The following PLCB4 variants were observed in gnomAD, a reference collection of about 807,000 sequenced individuals.
PLCB4 encodes 1-phosphatidylinositol 4,5-bisphosphate phosphodiesterase beta-4.
Under a neutral mutation model 178.8 loss-of-function variants are expected in PLCB4, and 77 were observed. The observed-to-expected ratio is 0.43, with a 90% CI of 0.36 to 0.52. The LOEUF is 0.52. Ranked by LOEUF, PLCB4 falls within the 20% of genes least tolerant of loss-of-function variation. The probability of loss-of-function intolerance (pLI) is 0.00; values close to 1 mark genes in which losing one functional copy is unlikely to be tolerated. For missense variants in PLCB4, 1,024 were observed against 1,453.4 expected (o/e 0.70, Z 4.80); for synonymous variants, 496 against 490.8 (o/e 1.01, Z -0.14).
intron 3 of PLCB4, among the ~76,000 whole-genome samples, chr20:9,234,959 A>G (rs1053678395): frequency 4.6e-5 from 7 of 152,210 alleles, no homozygotes; most frequent in Non-Finnish European, 1.5e-5. Context: ...GCCAAACTCC[A>G]TTACTGCAGT....
At chr20:9,173,377 G>A (rs1271832121) in intron 2 of PLCB4, among the ~76,000 whole-genome samples, 1 of 152,162 alleles carries the variant, frequency 6.6e-6, no homozygotes, top group African/African-American at 2.4e-5. Context: ...GCAGACTTGT[G>A]TTCTTCCTTT....
intron 9 of PLCB4, 129 bp downstream of exon 9, chr20:9,365,643 A>G (rs1056130006): frequency 2.7e-5 from 14 of 526,074 alleles, no homozygotes; most frequent in African/African-American, 1.8e-4. Flanking sequence ...CTTAGTTTCA[A>G]TTGCTTTGAC....
chr20:9,082,439 G>GC (rs1340868660), intron 1 of PLCB4, among the ~76,000 whole-genome samples: 2 of 152,078 alleles, frequency 1.3e-5, no homozygotes, highest in South Asian at 4.2e-4. Flanking sequence ...TCTTCACCAG[G>GC]CCCCCCTCCC....
At chr20:9,411,175 G>A (rs973624029) in intron 25 of PLCB4, 87 bp downstream of exon 25, 4 of 885,530 alleles carry the variant, frequency 4.5e-6, no homozygotes, top group Non-Finnish European at 7.3e-6. Context: ...TCAATTAGGG[G>A]CTACAGAATT....
At chr20:9,130,435 G>C (rs563206493) in intron 2 of PLCB4, among the ~76,000 whole-genome samples, 348 of 152,264 alleles carry the variant, frequency 2.3e-3, no homozygotes, top group Non-Finnish European at 4.1e-3. Context: ...GAATTTAAAA[G>C]ATAAATTACT....
Position 9,189,625 on chromosome 20 carries a change from A to G in PLCB4, c.-78-27765A>G, listed in dbSNP as rs547986764. Reference sequence around the variant, plus strand: ...TCCATTTATGCTGCTGTAACAGAATACCACAGACTGGGCGATTTATAAACA... The same window carrying G: ...TCCATTTATGCTGCTGTAACAGAATGCCACAGACTGGGCGATTTATAAACA... On this transcript the variant is annotated intron_variant, in intron 2 of 39. Transcript: ENST00000378473. Among the ~76,000 whole-genome samples, 211 of 152,336 alleles carry G rather than the reference A, an allele frequency of 1.4e-3. 2 individuals carry two copies. Among genetic ancestry groups the G allele is most frequent in the African/African-American group, 4.8e-3 (198 of 41,576 alleles).
intron 2 of PLCB4, among the ~76,000 whole-genome samples, chr20:9,161,456 A>G (rs938138191): frequency 1.3e-5 from 2 of 152,198 alleles, no homozygotes; most frequent in African/African-American, 4.8e-5. Flanking sequence ...ATGCCAACCC[A>G]GGTTTGTTGG....
chr20:9,283,607 C>T (rs1025877537), intron 3 of PLCB4, among the ~76,000 whole-genome samples: 2 of 151,958 alleles, frequency 1.3e-5, no homozygotes, highest in African/African-American at 2.4e-5. Context: ...ACCCTTTTCT[C>T]TCCTGGGCAG....
intron 2 of PLCB4, among the ~76,000 whole-genome samples, chr20:9,206,466 T>G (rs1215188696): frequency 6.6e-6 from 1 of 152,186 alleles, no homozygotes; most frequent in African/African-American, 2.4e-5. Context: ...CTCATATTTA[T>G]CTGATATTTT....
At chr20:9,209,918 C>G (rs1483512430) in intron 2 of PLCB4, among the ~76,000 whole-genome samples, 14 of 135,610 alleles carry the variant, frequency 1.0e-4, no homozygotes, top group Admixed American at 9.6e-4. Flanking sequence ...GAGTCGAGAT[C>G]GAGCCACTGA....
chr20:9,307,730 C>T (rs929866780), intron 3 of PLCB4, 70 bp from the exon 4 acceptor site: 26 of 616,576 alleles, frequency 4.2e-5, no homozygotes, highest in South Asian at 2.0e-4. Flanking sequence ...CACAGAAATG[C>T]GAAGTGATTA....
intron 32 of PLCB4, among the ~76,000 whole-genome samples, chr20:9,450,601 A>G (rs1468421968): frequency 1.3e-5 from 2 of 151,834 alleles, no homozygotes; most frequent in African/African-American, 4.8e-5. Context: ...TCTCATAAGC[A>G]ACTCATGAAT....
In PLCB4 at chr20:9,479,958, A is replaced by G. The variant is rs957508530; in HGVS notation, c.*949A>G. On this transcript the variant is annotated 3_prime_UTR_variant, in exon 40 of 40. Transcript: ENST00000378473. ...AATACTGGTTAAATAAATGTATGGC[A>G]CAGAATATAATTTGACTATCAAGAC... The G allele has an allele frequency of 2.6e-5, 4 of 152,522 alleles. No individual in the cohort carries two copies. Among genetic ancestry groups the G allele is most frequent in the African/African-American group, 9.7e-5 (4 of 41,448 alleles). 9.4% of individuals were successfully genotyped at this position (152,522 alleles called of 1,614,324 possible). A position where few individuals can be genotyped will look rare whatever the true frequency, so the allele number is the denominator to read the frequency against.
At chr20:9,340,428 G>A (rs1038365467) in intron 7 of PLCB4, among the ~76,000 whole-genome samples, 9 of 152,104 alleles carry the variant, frequency 5.9e-5, no homozygotes, top group East Asian at 1.9e-4. Flanking sequence ...CAGGTGACTC[G>A]GATGTGTGGT....
At position 9,240,119 on chromosome 20, in the gene PLCB4, A is replaced by G. The variant is rs183820811; in HGVS notation, c.-16+22667A>G. Among the ~76,000 whole-genome samples, 143 of 152,240 alleles carry G rather than the reference A, an allele frequency of 9.4e-4. 1 individual carries two copies. The highest frequency in any genetic ancestry group is 3.8e-3 in the Admixed American group (58 of 15,276). The stretch of plus-strand genomic sequence containing the variant: ...GAGGTACAATACTTTGCATCCTTCA[A>G]TCCAGTCAAGTTGACACTCAGTATT... On this transcript the variant is annotated intron_variant, in intron 3 of 39. Coordinates refer to ENST00000378473, the MANE Select transcript of PLCB4 (RefSeq NM_001377142.1).
At chr20:9,317,461 A>T (rs1235589127) in intron 4 of PLCB4, among the ~76,000 whole-genome samples, 1 of 151,996 alleles carries the variant, frequency 6.6e-6, no homozygotes, top group Non-Finnish European at 1.5e-5. Flanking sequence ...GCTTGCTTTT[A>T]TTTCTTCACA....
At chr20:9,289,882 T>C (rs775802813) in intron 3 of PLCB4, among the ~76,000 whole-genome samples, 1 of 152,110 alleles carries the variant, frequency 6.6e-6, no homozygotes, top group Non-Finnish European at 1.5e-5. Flanking sequence ...CAAAAGAGTA[T>C]GTAAAAATAC....
chr20:9,219,606 T>C (rs2093774303), intron 3 of PLCB4, among the ~76,000 whole-genome samples: 2 of 152,236 alleles, frequency 1.3e-5, no homozygotes, highest in Non-Finnish European at 2.9e-5. Context: ...TGGTTGCTTA[T>C]GTTACGCTTG....
intron 2 of PLCB4, among the ~76,000 whole-genome samples, chr20:9,156,912 A>G (rs1030114070): frequency 3.0e-5 from 4 of 131,784 alleles, no homozygotes; most frequent in African/African-American, 1.1e-4. Flanking sequence ...GGAGCTTATA[A>G]CTAGTTGAAC....
Sources: allele counts gnomAD v4.1 joint callset (sites outside exome capture counted in the v4.1 genomes callset), GRCh38; gene constraint gnomAD v4.1.1; transcripts MANE v1.5; gene names NCBI Gene and HGNC (gene_info 2026-07-23, HGNC 2026-07-21).